CACNA2D1: variants seen among roughly 807,000 people sequenced by gnomAD.
The protein encoded by CACNA2D1 is voltage-dependent calcium channel subunit alpha-2/delta-1.
A neutral mutation model predicts 171.5 loss-of-function variants in CACNA2D1; 53 were observed. That is an observed-to-expected ratio of 0.31 (90% CI 0.25 to 0.39). The LOEUF (loss-of-function observed/expected upper bound fraction) is 0.39. Ranked by LOEUF, CACNA2D1 falls within the 10% of genes least tolerant of loss-of-function variation. CACNA2D1 has a pLI of 1.00. For missense variants in CACNA2D1, 903 were observed against 1,299.8 expected, an observed-to-expected ratio of 0.69 and a Z score of 4.69; for synonymous variants, 442 against 443.1, an observed-to-expected ratio of 1.00 and a Z score of 0.03.
chr7:82,284,866 A>C (rs932772314), intron 3 of CACNA2D1, among the ~76,000 whole-genome samples: 3 of 152,144 alleles, frequency 2.0e-5, no homozygotes, highest in African/African-American at 7.2e-5. Flanking sequence ...AGACCCTGAG[A>C]GGTCCAGCCC....
chr7:82,250,530 G>A lies in CACNA2D1; in HGVS notation c.295-79921C>T, dbSNP rs141237089. Among the ~76,000 whole-genome samples the A allele has an allele frequency of 7.9e-5, 12 of 152,174 alleles. No homozygotes were observed. The East Asian group carries it at 2.3e-3, about 29-fold the overall frequency. The stretch of plus-strand genomic sequence containing the variant: ...CAATTCTTAGGGATCTGCACCTAGT[G>A]GCTTTAATTATCTTTTCTCTGAGGA... On this transcript the variant is annotated intron_variant, in intron 3 of 38. Coordinates refer to ENST00000356860, the MANE Select transcript of CACNA2D1 (RefSeq NM_000722.4).
At chr7:82,389,654 T>C (rs902490003) in intron 1 of CACNA2D1, among the ~76,000 whole-genome samples, 2 of 152,190 alleles carry the variant, frequency 1.3e-5, no homozygotes, top group African/African-American at 4.8e-5. Flanking sequence ...ACTTGATGTA[T>C]GACCATAGAA....
intron 3 of CACNA2D1, among the ~76,000 whole-genome samples, chr7:82,322,451 CAAAAAAAAA>C (rs11440104): frequency 9.6e-5 from 10 of 103,924 alleles, no homozygotes; most frequent in South Asian, 3.5e-4. Context: ...CCTGGCTTTA[CAAAAAAAAA>C]AAAAAAAAAA....
chr7:82,442,635 G>A (rs1830590624), intron 1 of CACNA2D1, among the ~76,000 whole-genome samples: 2 of 152,144 alleles, frequency 1.3e-5, no homozygotes, highest in African/African-American at 4.8e-5. Context: ...AAAAATAAAA[G>A]AAAATTTGTA....
intron 1 of CACNA2D1, among the ~76,000 whole-genome samples, chr7:82,401,821 T>G (rs561781610): frequency 1.3e-5 from 2 of 152,208 alleles, no homozygotes; most frequent in Non-Finnish European, 2.9e-5. Flanking sequence ...AAAGTTTCCA[T>G]CCTAGTAAAA....
At chr7:82,146,463 A>ATATATCTTTATATATACATATTT (rs1793105048) in intron 4 of CACNA2D1, among the ~76,000 whole-genome samples, 1 of 120,326 alleles carries the variant, frequency 8.3e-6, no homozygotes, top group South Asian at 2.5e-4. Flanking sequence ...GATATATATA[A>ATATATCTTTATATATACATATTT]ATATATATCT....
intron 3 of CACNA2D1, among the ~76,000 whole-genome samples, chr7:82,196,383 T>A (rs1306557719): frequency 6.6e-6 from 1 of 152,080 alleles, no homozygotes; most frequent in Non-Finnish European, 1.5e-5. Context: ...GGGGGATGCT[T>A]GAAAAGGCAG....
At chr7:82,295,361 G>C (rs1812132181) in intron 3 of CACNA2D1, among the ~76,000 whole-genome samples, 1 of 149,836 alleles carries the variant, frequency 6.7e-6, no homozygotes. Flanking sequence ...TTTTGAGACA[G>C]GGTCTCACTC....
chr7:82,320,530 G>A (rs921148181), intron 3 of CACNA2D1, among the ~76,000 whole-genome samples: 1 of 151,142 alleles, frequency 6.6e-6, no homozygotes, highest in East Asian at 1.9e-4. Flanking sequence ...TCCCATCCTA[G>A]TCTCCTGAGG....
At chr7:82,438,830 A>G (rs1419572341) in intron 1 of CACNA2D1, among the ~76,000 whole-genome samples, 2 of 152,174 alleles carry the variant, frequency 1.3e-5, no homozygotes, top group African/African-American at 4.8e-5. Flanking sequence ...TTGAAACACT[A>G]CCACAGACAG....
chr7:82,208,585 C>T (rs1800242007), intron 3 of CACNA2D1, among the ~76,000 whole-genome samples: 1 of 151,934 alleles, frequency 6.6e-6, no homozygotes, highest in African/African-American at 2.4e-5. Flanking sequence ...CATATAATTC[C>T]CCTTAAATTT....
intron 3 of CACNA2D1, among the ~76,000 whole-genome samples, chr7:82,261,523 G>GT (rs1807101543): frequency 1.3e-5 from 2 of 152,144 alleles, no homozygotes; most frequent in Admixed American, 1.3e-4. Flanking sequence ...ACGAGAAGGC[G>GT]TGTTGTCTTT....
intron 3 of CACNA2D1, among the ~76,000 whole-genome samples, chr7:82,273,240 A>C (rs2129354357): frequency 6.6e-6 from 1 of 152,044 alleles, no homozygotes; most frequent in South Asian, 2.1e-4. Context: ...TAGTTTTTAA[A>C]TAATAATAAT....
At chr7:81,962,130 G>A in intron 35 of CACNA2D1, 107 bp from the exon 36 acceptor site, 1 of 1,055,382 alleles carries the variant, frequency 9.5e-7, no homozygotes, top group Non-Finnish European at 1.4e-6. Context: ...AAACGTATAA[G>A]ACCAGGACCC....
At chr7:81,956,647 ACTCC>A (rs1275226961) in intron 38 of CACNA2D1, among the ~76,000 whole-genome samples, 1 of 151,474 alleles carries the variant, frequency 6.6e-6, no homozygotes, top group Non-Finnish European at 1.5e-5. Flanking sequence ...ATTTTCTGAG[ACTCC>A]CTCTGCTATT....
At chr7:82,291,183 T>TATCGATATAGAATTATAATTCTAA (rs1811504039) in intron 3 of CACNA2D1, among the ~76,000 whole-genome samples, 1 of 124,766 alleles carries the variant, frequency 8.0e-6, no homozygotes, top group Non-Finnish European at 1.7e-5. Flanking sequence ...TATAATTCTA[T>TATCGATATAGAATTATAATTCTAA]ATCGATATAG....
At chr7:82,246,922 C>T (rs1319497270) in intron 3 of CACNA2D1, among the ~76,000 whole-genome samples, 1 of 152,012 alleles carries the variant, frequency 6.6e-6, no homozygotes, top group East Asian at 1.9e-4. Context: ...AGAAGACACC[C>T]CATATCTAGG....
At chr7:81,978,373 T>G (rs781082342) in intron 24 of CACNA2D1, among the ~76,000 whole-genome samples, 1 of 152,108 alleles carries the variant, frequency 6.6e-6, no homozygotes, top group East Asian at 1.9e-4. Context: ...AAAGAAAATA[T>G]AACACAAATG....
intron 3 of CACNA2D1, among the ~76,000 whole-genome samples, chr7:82,280,945 C>A (rs1810014869): frequency 6.6e-6 from 1 of 152,204 alleles, no homozygotes; most frequent in African/African-American, 2.4e-5. Flanking sequence ...TGTATTTCCA[C>A]AGCAGCAGGT....
Sources: gnomAD v4.1 joint callset for allele counts (sites outside exome capture counted in the v4.1 genomes callset) on GRCh38, gnomAD v4.1.1 for gene constraint, MANE v1.5 for transcripts, NCBI Gene and HGNC (gene_info 2026-07-23, HGNC 2026-07-21) for gene names.